Variants in CSMD2 observed in about 807,000 individuals in gnomAD.
CSMD2 encodes CUB and sushi domain-containing protein 2.
In CSMD2, 130 loss-of-function variants were observed where a neutral mutation model predicts 398.5. That is an observed-to-expected ratio of 0.33 (90% CI 0.28 to 0.38). The LOEUF (loss-of-function observed/expected upper bound fraction) is 0.38. CSMD2 is among the 10% of genes least tolerant of loss of function. The pLI, the probability that CSMD2 is intolerant of heterozygous loss-of-function variation, is 1.00. For missense variants in CSMD2, 3,829 were observed against 4,764.9 expected (o/e 0.80, Z 5.78); for synonymous variants, 1,828 against 1,908.5 (o/e 0.96, Z 1.10).
At chr1:33,782,132 C>A (rs1482363605) in intron 12 of CSMD2, among the ~76,000 whole-genome samples, 1 of 152,116 alleles carries the variant, frequency 6.6e-6, no homozygotes, top group Non-Finnish European at 1.5e-5. Flanking sequence ...TGGGAGGTCT[C>A]TGCCCTTGGA....
At chr1:34,092,110 T>C (rs1403500876) in intron 1 of CSMD2, among the ~76,000 whole-genome samples, 2 of 152,208 alleles carry the variant, frequency 1.3e-5, no homozygotes, top group East Asian at 3.8e-4. Flanking sequence ...AAAAAAGATC[T>C]TGTTTATGGT....
intron 5 of CSMD2, among the ~76,000 whole-genome samples, chr1:33,872,034 A>C (rs1194936555): frequency 6.6e-6 from 1 of 152,144 alleles, no homozygotes; most frequent in Non-Finnish European, 1.5e-5. Flanking sequence ...ACCTTTCAAC[A>C]CTACCATATT....
intron 5 of CSMD2, among the ~76,000 whole-genome samples, chr1:33,908,085 C>CAAAA (rs35932181): frequency 8.0e-4 from 62 of 77,072 alleles, no homozygotes; most frequent in African/African-American, 1.2e-3. Flanking sequence ...GACTCCATCT[C>CAAAA]AAAAAAAAAA....
intron 5 of CSMD2, among the ~76,000 whole-genome samples, chr1:33,847,318 G>A (rs1330966963): frequency 6.6e-6 from 1 of 151,348 alleles, no homozygotes. Flanking sequence ...TGCCTTTTCT[G>A]CTTGGAATAT....
chr1:34,115,160 GA>G (rs1193220287), intron 1 of CSMD2, among the ~76,000 whole-genome samples: 1 of 151,522 alleles, frequency 6.6e-6, no homozygotes, highest in Non-Finnish European at 1.5e-5. Context: ...GGAGAAAAGA[GA>G]AAAAAAGGAA....
intron 46 of CSMD2, 33 bp from the exon 47 acceptor site, chr1:33,583,863 G>T: frequency 6.3e-7 from 1 of 1,590,846 alleles, no homozygotes; most frequent in Non-Finnish European, 8.6e-7. Context: ...CCAAGTACGT[G>T]GGGGTGGAGA....
Position 33,514,316 on chromosome 1 carries a change from G to A in CSMD2, c.*2308C>T, listed in dbSNP as rs1190226951. 1.4e-5 allele frequency: 2 copies of A among 141,672 alleles called. No homozygotes were observed. The highest frequency in any genetic ancestry group is 5.3e-5 in the African/African-American group (2 of 37,922). 8.8% of individuals were successfully genotyped at this position (141,672 alleles called of 1,614,324 possible). A position where few individuals can be genotyped will look rare whatever the true frequency, so the allele number is the denominator to read the frequency against. Reference sequence around the variant, plus strand: ...TCTTTTTTGGTACTGTACAAACTTTGTATAATAAAAATATATCTCTGTACA... The same window carrying A: ...TCTTTTTTGGTACTGTACAAACTTTATATAATAAAAATATATCTCTGTACA... On this transcript the variant is annotated 3_prime_UTR_variant, in exon 71 of 71. Coordinates refer to ENST00000373381, the MANE Select transcript of CSMD2 (RefSeq NM_001281956.2).
intron 2 of CSMD2, among the ~76,000 whole-genome samples, chr1:34,088,127 C>A (rs541757931): frequency 6.6e-6 from 1 of 152,328 alleles, no homozygotes; most frequent in East Asian, 1.9e-4. Context: ...TTAAACAAAG[C>A]TTTGAGGTTA....
intron 55 of CSMD2, among the ~76,000 whole-genome samples, chr1:33,556,495 T>C (rs1025863732): frequency 4.6e-5 from 7 of 152,220 alleles, no homozygotes; most frequent in African/African-American, 1.7e-4. Context: ...TTACTCCCTC[T>C]TGAGTGCATC....
At chr1:34,107,614 T>C (rs762082647) in intron 1 of CSMD2, among the ~76,000 whole-genome samples, 2 of 152,110 alleles carry the variant, frequency 1.3e-5, no homozygotes, top group African/African-American at 4.8e-5. Context: ...TACTCTATCA[T>C]AGATGATGGA....
At chr1:33,667,451 GT>G (rs1468492946) in intron 25 of CSMD2, among the ~76,000 whole-genome samples, 1 of 152,136 alleles carries the variant, frequency 6.6e-6, no homozygotes, top group East Asian at 1.9e-4. Context: ...CTTGCACAAG[GT>G]CATGGGCTGG....
chr1:34,095,721 A>G (rs1321198780), intron 1 of CSMD2, among the ~76,000 whole-genome samples: 1 of 151,438 alleles, frequency 6.6e-6, no homozygotes, highest in Non-Finnish European at 1.5e-5. Flanking sequence ...AAGAAGTTGA[A>G]TCTCTGAATA....
At chr1:34,042,938 A>C (rs1172267299) in intron 2 of CSMD2, among the ~76,000 whole-genome samples, 2 of 98,310 alleles carry the variant, frequency 2.0e-5, no homozygotes, top group Non-Finnish European at 4.2e-5. Context: ...ACAGGCCACC[A>C]CCATGCCTGG....
chr1:33,674,421 A>G (rs367891537), intron 25 of CSMD2, among the ~76,000 whole-genome samples: 6 of 152,148 alleles, frequency 3.9e-5, no homozygotes, highest in Non-Finnish European at 5.9e-5. Context: ...TCCTAAATAT[A>G]TATGCACCCA....
At chr1:33,556,265 C>T (rs1286976486) in intron 55 of CSMD2, among the ~76,000 whole-genome samples, 1 of 152,160 alleles carries the variant, frequency 6.6e-6, no homozygotes, top group Admixed American at 6.5e-5. Context: ...GTGTCCATTT[C>T]TGACCCCAAA....
At chr1:33,717,058 G>A (rs1646195402) in intron 19 of CSMD2, among the ~76,000 whole-genome samples, 1 of 152,132 alleles carries the variant, frequency 6.6e-6, no homozygotes. Context: ...ATCTTAAAAG[G>A]ATGCACAGGA....
chr1:33,813,912 A>G (rs1279593316), intron 9 of CSMD2: 1 of 152,188 alleles, frequency 6.6e-6, no homozygotes, highest in Non-Finnish European at 1.5e-5. Context: ...GGAACCTCCT[A>G]CTCCCACTAC....
At chr1:33,598,492 A>T (rs1396520998) in intron 44 of CSMD2, among the ~76,000 whole-genome samples, 1 of 152,020 alleles carries the variant, frequency 6.6e-6, no homozygotes, top group African/African-American at 2.4e-5. Flanking sequence ...ATTACCATAG[A>T]CTGGGTGACT....
At chr1:33,552,726 T>C (rs1045705156) in intron 55 of CSMD2, among the ~76,000 whole-genome samples, 2 of 152,124 alleles carry the variant, frequency 1.3e-5, no homozygotes, top group African/African-American at 4.8e-5. Context: ...ATGTCCAGAA[T>C]AGGTAAATCC....
Sources: allele counts gnomAD v4.1 joint callset (sites outside exome capture counted in the v4.1 genomes callset), GRCh38; gene constraint gnomAD v4.1.1; transcripts MANE v1.5; gene names NCBI Gene and HGNC (gene_info 2026-07-23, HGNC 2026-07-21).